Variants in SESN2 observed in about 807,000 individuals in gnomAD.
SESN2 encodes sestrin 2, also known as sestrin-2.
In SESN2, 42 loss-of-function variants were observed where a neutral mutation model predicts 56.0. The observed-to-expected ratio is 0.75, with a 90% CI of 0.59 to 0.97. The LOEUF is 0.97. Among genes scored for constraint, SESN2 ranks in the 50% least tolerant of loss-of-function variants. SESN2 has a pLI of 0.00. For missense variants in SESN2, 507 were observed against 649.4 expected, an observed-to-expected ratio of 0.78 and a Z score of 2.38; for synonymous variants, 264 against 267.1, an observed-to-expected ratio of 0.99 and a Z score of 0.11.
In SESN2 at chr1:28,282,089, C is replaced by CT. The variant is rs1236338773; in HGVS notation, c.*1290dup. 1 of 152,274 alleles carries CT rather than the reference C, an allele frequency of 6.6e-6. No individual in the cohort carries two copies. Among genetic ancestry groups the CT allele is most frequent in the Non-Finnish European group, 1.5e-5 (1 of 68,112 alleles). The allele number at this position is 152,274 out of a possible 1,614,324, so 9.4% of individuals were successfully genotyped here. On this transcript the variant is annotated 3_prime_UTR_variant, in exon 10 of 10. Transcript: ENST00000253063. ...AGCAGCCAAGGACCGATTCCAGGCA[C>CT]TTTCTGTAGCAAATGACTGTGAATT...
At position 28,264,640 on chromosome 1, in the gene SESN2, C is replaced by T. The variant is rs148501710; in HGVS notation, c.91-4543C>T. 1.6e-3 allele frequency among the ~76,000 whole-genome samples: 244 copies of T among 152,234 alleles called. 1 individual carries two copies. Among genetic ancestry groups the T allele is most frequent in the African/African-American group, 5.3e-3 (221 of 41,532 alleles). On this transcript the variant is annotated intron_variant, in intron 1 of 9. Transcript: ENST00000253063. Reference sequence around the variant, plus strand: ...AACCTGTACCATCCAATATGGTAACCCCTCACTACATGTGGCTATTTAAAT... The same window carrying T: ...AACCTGTACCATCCAATATGGTAACTCCTCACTACATGTGGCTATTTAAAT...
In SESN2 at chr1:28,274,910, C is replaced by T. The variant is rs1381920019; in HGVS notation, c.1106C>T (p.Ala369Val). Residue 369 changes from alanine (A) to valine (V), a missense_variant, in exon 8 of 10, where the codon GCA becomes GTA. By Grantham distance (64) the Ala-to-Val change is moderately conservative. Coordinates refer to ENST00000253063, the MANE Select transcript of SESN2 (RefSeq NM_031459.5). Reference protein sequence around the residue: ...GGQLLDEKFQAAYSLTYNTIA... With the variant: ...GGQLLDEKFQVAYSLTYNTIA... ...CAGCTGCTGGATGAGAAGTTCCAGG[C>T]AGCCTATAGCCTCACCTACAATACC... 6.2e-7 allele frequency: 1 copy of T among 1,614,156 alleles called. No individual in the cohort carries two copies. Among genetic ancestry groups the T allele is most frequent in the Non-Finnish European group, 8.5e-7 (1 of 1,179,984 alleles).
intron 1 of SESN2, among the ~76,000 whole-genome samples, chr1:28,265,154 C>T (rs1441316286): frequency 6.6e-6 from 1 of 152,140 alleles, no homozygotes; most frequent in Non-Finnish European, 1.5e-5. Context: ...CAGTGGTAAC[C>T]AGCCTTGTTA....
chr1:28,262,028 G>A (rs928653201), intron 1 of SESN2, among the ~76,000 whole-genome samples: 1 of 152,154 alleles, frequency 6.6e-6, no homozygotes, highest in African/African-American at 2.4e-5. Context: ...TGATCCACCT[G>A]CCTTGGCCTC....
chr1:28,271,993 T>G (rs939949916), intron 3 of SESN2, 122 bp downstream of exon 3: 17 of 1,016,344 alleles, frequency 1.7e-5, no homozygotes, highest in Non-Finnish European at 2.3e-5. Flanking sequence ...CCTGGCTTTA[T>G]CTAACTGTAG....
At chr1:28,280,026 T>G (rs896388117) in intron 9 of SESN2, among the ~76,000 whole-genome samples, 2 of 151,796 alleles carry the variant, frequency 1.3e-5, no homozygotes, top group African/African-American at 4.8e-5. Context: ...CTAGTAGAGA[T>G]AAGGTCTCAC....
At position 28,259,914 on chromosome 1, in the gene SESN2, G is replaced by A; in HGVS notation, c.67G>A (p.Val23Ile). 6.8e-7 allele frequency: 1 copy of A among 1,478,214 alleles called. No individual in the cohort carries two copies. The highest frequency in any genetic ancestry group is 8.9e-7 in the Non-Finnish European group (1 of 1,119,852). The allele number at this position is 1,478,214 out of a possible 1,614,324, so 91.6% of individuals were successfully genotyped here. ...KDYLRFAPGG[V>I]GDSGPGEEQR... ...CTACCTGCGGTTCGCCCCGGGCGGC[G>A]TCGGCGACTCGGGCCCCGGAGAGGT... Residue 23 changes from valine (V) to isoleucine (I), a missense_variant, in exon 1 of 10, where the codon GTC becomes ATC. Val to Ile is a conservative substitution (Grantham distance 29). Coordinates refer to ENST00000253063, the MANE Select transcript of SESN2 (RefSeq NM_031459.5).
At chr1:28,270,384 G>A (rs971145678) in intron 2 of SESN2, among the ~76,000 whole-genome samples, 1 of 151,628 alleles carries the variant, frequency 6.6e-6, no homozygotes, top group African/African-American at 2.4e-5. Context: ...TCCTCTCTTT[G>A]CTTTTCCTAA....
At chr1:28,276,114 T>A (rs1050372288) in intron 8 of SESN2, among the ~76,000 whole-genome samples, 1 of 149,684 alleles carries the variant, frequency 6.7e-6, no homozygotes, top group African/African-American at 2.5e-5. Flanking sequence ...ACCACTGTGC[T>A]CCAGCCTGGG....
Position 28,264,063 on chromosome 1 carries a change from T to TA in SESN2, c.90+4144dup, listed in dbSNP as rs747016677. Among the ~76,000 whole-genome samples the TA allele has an allele frequency of 7.6e-3, 816 of 107,704 alleles. 11 individuals are homozygous for TA. Among genetic ancestry groups the TA allele is most frequent in the East Asian group, 0.017 (67 of 3,832 alleles). 70.7% of individuals were successfully genotyped at this position (107,704 alleles called of 152,430 possible). On this transcript the variant is annotated intron_variant, in intron 1 of 9. Coordinates refer to ENST00000253063, the MANE Select transcript of SESN2 (RefSeq NM_031459.5). Reference sequence around the variant, plus strand: ...AACACAGTGAGACCTCATCTCTATTTAAAAAAAAAAAAAAAAAAGGCCAGG... The same window carrying TA: ...AACACAGTGAGACCTCATCTCTATTTAAAAAAAAAAAAAAAAAAAGGCCAGG...
At chr1:28,260,000 C>G (rs1004039523) in intron 1 of SESN2, 63 bp downstream of exon 1, 1 of 1,248,458 alleles carries the variant, frequency 8.0e-7, no homozygotes, top group African/African-American at 1.6e-5. Context: ...GAGCCTCAGG[C>G]TGTCCGGAGC....
intron 8 of SESN2, 38 bp from the exon 9 acceptor site, chr1:28,279,059 G>C: frequency 6.2e-7 from 1 of 1,609,532 alleles, no homozygotes; most frequent in South Asian, 1.1e-5. Flanking sequence ...CCTTTGGGAA[G>C]AAAGCATGAG....
Position 28,279,499 on chromosome 1 carries a change from C to A in SESN2, c.1356+258C>A, listed in dbSNP as rs564163696. The stretch of plus-strand genomic sequence containing the variant: ...ACCTGGGTTCAAATCATAACACTAT[C>A]TCTTGATAGCAGTGTGACTTTCGGC... On this transcript the variant is annotated intron_variant, in intron 9 of 9. Coordinates refer to ENST00000253063, the MANE Select transcript of SESN2 (RefSeq NM_031459.5). 1.1e-4 allele frequency among the ~76,000 whole-genome samples: 17 copies of A among 152,134 alleles called. 1 individual carries two copies. The highest frequency in any genetic ancestry group is 6.8e-3 in the Middle Eastern group (2 of 292).
At chr1:28,268,897 A>G (rs987764410) in intron 1 of SESN2, among the ~76,000 whole-genome samples, 1 of 152,208 alleles carries the variant, frequency 6.6e-6, no homozygotes, top group Admixed American at 6.5e-5. Context: ...GATGTGCAGC[A>G]TGATGGCTAT....
intron 6 of SESN2, 103 bp from the exon 7 acceptor site, chr1:28,273,937 G>T: frequency 2.6e-6 from 2 of 775,238 alleles, no homozygotes; most frequent in African/African-American, 1.7e-5. Context: ...GCTTTTTTTG[G>T]CCCTCTATTC....
At chr1:28,267,345 A>G (rs982992129) in intron 1 of SESN2, among the ~76,000 whole-genome samples, 7 of 152,280 alleles carry the variant, frequency 4.6e-5, no homozygotes, top group Non-Finnish European at 8.8e-5. Flanking sequence ...TTAGTAGGTA[A>G]AGAGAGTTTA....
In SESN2 at chr1:28,280,748, C is replaced by G. The variant is rs1238350172; in HGVS notation, c.1389C>G (p.Arg463=). Reference sequence around the variant, plus strand: ...TGAACTTGCTGCTCCTGGAGGCGCGCATGCAAGCCGCTCTGCTGTACGCCC... The same window carrying G: ...TGAACTTGCTGCTCCTGGAGGCGCGGATGCAAGCCGCTCTGCTGTACGCCC... The part of the protein sequence containing the change: ...VHVNLLLLEA[R]MQAALLYALR... Residue 463 remains arginine (R), a synonymous_variant, in exon 10 of 10, where the codon CGC becomes CGG. Coordinates refer to ENST00000253063, the MANE Select transcript of SESN2 (RefSeq NM_031459.5). The G allele has an allele frequency of 6.2e-7, 1 of 1,613,486 alleles. No homozygotes were observed. The highest frequency in any genetic ancestry group is 2.2e-5 in the East Asian group (1 of 44,882).
intron 2 of SESN2, among the ~76,000 whole-genome samples, chr1:28,270,731 C>T (rs1308456710): frequency 6.6e-6 from 1 of 152,176 alleles, no homozygotes; most frequent in East Asian, 1.9e-4. Flanking sequence ...AGCCACCACG[C>T]CCAGCTAATT....
At chr1:28,276,570 C>CTTTTTTTTTTTT (rs57474365) in intron 8 of SESN2, among the ~76,000 whole-genome samples, 1 of 94,734 alleles carries the variant, frequency 1.1e-5, no homozygotes, top group African/African-American at 4.6e-5. Flanking sequence ...TTTTTCTTTC[C>CTTTTTTTTTTTT]TTTTTTTTTT....
Sources: allele counts gnomAD v4.1 joint callset (sites outside exome capture counted in the v4.1 genomes callset), GRCh38; gene constraint gnomAD v4.1.1; transcripts MANE v1.5; gene names NCBI Gene and HGNC (gene_info 2026-07-23, HGNC 2026-07-21).